COPS3: variants seen among roughly 807,000 people sequenced by gnomAD.
COPS3 encodes COP9 signalosome complex subunit 3.
Under a neutral mutation model 58.2 loss-of-function variants are expected in COPS3, and 10 were observed. That is an observed-to-expected ratio of 0.17 (90% CI 0.11 to 0.29). COPS3 has a LOEUF of 0.29. COPS3 is among the 10% of genes least tolerant of loss of function. COPS3 has a pLI of 1.00. For missense variants in COPS3, 333 were observed against 510.1 expected (o/e 0.65, Z 3.34); for synonymous variants, 187 against 181.7 (o/e 1.03, Z -0.24).
rs1435779130 is a variant in COPS3 at position 17,279,024 on chromosome 17, G to A, written c.55+2108C>T. Among the ~76,000 whole-genome samples, 3 of 151,090 alleles carry A rather than the reference G, an allele frequency of 2.0e-5. No individual in the cohort carries two copies. The South Asian group carries it at 6.2e-4, about 31-fold the overall frequency. On this transcript the variant is annotated intron_variant, in intron 1 of 11. Coordinates refer to ENST00000268717, the MANE Select transcript of COPS3 (RefSeq NM_003653.4). Reference sequence around the variant, plus strand: ...CGAGTAGCTGAGATTACAGGCGCCCGCCACCATGCCTGGCTAATTTTGCAT... The same window carrying A: ...CGAGTAGCTGAGATTACAGGCGCCCACCACCATGCCTGGCTAATTTTGCAT...
intron 8 of COPS3, among the ~76,000 whole-genome samples, chr17:17,257,712 G>A (rs1447084484): frequency 6.6e-6 from 1 of 151,006 alleles, no homozygotes; most frequent in Non-Finnish European, 1.5e-5. Context: ...CAGGAGAATG[G>A]CGTGAACCCG....
In COPS3 at chr17:17,249,045, G is replaced by T; in HGVS notation, c.1024-6C>A. 1 of 1,480,728 alleles carries T rather than the reference G, an allele frequency of 6.8e-7. No homozygotes were observed. The highest frequency in any genetic ancestry group is 9.1e-7 in the Non-Finnish European group (1 of 1,094,956). 91.7% of individuals were successfully genotyped at this position (1,480,728 alleles called of 1,614,324 possible). On this transcript the variant is annotated splice_polypyrimidine_tract_variant and splice_region_variant and intron_variant, in intron 9 of 11. Transcript: ENST00000268717. The stretch of plus-strand genomic sequence containing the variant: ...AAAATCTCACCATCTTCTATCTGCA[G>T]AAAGAAAAAAAAAAAAATCAGGAAA...
Position 17,247,002 on chromosome 17 carries a change from A to G in COPS3, c.*96T>C. The G allele has an allele frequency of 2.9e-6, 3 of 1,048,602 alleles. No homozygotes were observed. In the South Asian group the frequency reaches 3.8e-5, roughly 13 times the overall value. 65.0% of individuals were successfully genotyped at this position (1,048,602 alleles called of 1,614,324 possible). Reference sequence around the variant, plus strand: ...AACAAAACTTAATTTCTTAGTCTCCAGGTGACACAGGCTTGGTCCTCTCTG... The same window carrying G: ...AACAAAACTTAATTTCTTAGTCTCCGGGTGACACAGGCTTGGTCCTCTCTG... On this transcript the variant is annotated 3_prime_UTR_variant, in exon 12 of 12. Transcript: ENST00000268717.
intron 2 of COPS3, among the ~76,000 whole-genome samples, chr17:17,274,585 C>T (rs1484177233): frequency 1.3e-5 from 2 of 151,888 alleles, no homozygotes; most frequent in African/African-American, 2.4e-5. Context: ...CCACCACACC[C>T]GGCTAATTTT....
At position 17,281,230 on chromosome 17, in the gene COPS3, G is replaced by A. The variant is rs2048580195; in HGVS notation, c.-44C>T. ...CGAGCGGCGAAGGCAGCACGCGCGGGAAAAGGCTGCCGCTCTGGGAGGAGG... is the reference window on the plus strand; with the variant it reads ...CGAGCGGCGAAGGCAGCACGCGCGGAAAAAGGCTGCCGCTCTGGGAGGAGG... On this transcript the variant is annotated 5_prime_UTR_variant, in exon 1 of 12. Transcript: ENST00000268717. 5 of 1,588,374 alleles carry A rather than the reference G, an allele frequency of 3.1e-6. No individual in the cohort carries two copies. In the East Asian group the frequency reaches 6.8e-5, roughly 22 times the overall value.
At chr17:17,268,822 A>G (rs960483092) in intron 4 of COPS3, among the ~76,000 whole-genome samples, 4 of 115,122 alleles carry the variant, frequency 3.5e-5, no homozygotes, top group African/African-American at 1.2e-4. Context: ...CCATCTCAAA[A>G]AAACAACAAC....
At chr17:17,275,286 C>T (rs2048438414) in intron 2 of COPS3, among the ~76,000 whole-genome samples, 1 of 152,024 alleles carries the variant, frequency 6.6e-6, no homozygotes, top group Non-Finnish European at 1.5e-5. Flanking sequence ...CAGGGTTTCA[C>T]CAGTTGGCCA....
intron 9 of COPS3, among the ~76,000 whole-genome samples, chr17:17,254,416 A>G (rs993105458): frequency 6.6e-6 from 1 of 152,064 alleles, no homozygotes; most frequent in African/African-American, 2.4e-5. Flanking sequence ...CAATAGTGGT[A>G]GACTTTGGAG....
At chr17:17,277,708 C>T (rs979791535) in intron 1 of COPS3, among the ~76,000 whole-genome samples, 1 of 152,176 alleles carries the variant, frequency 6.6e-6, no homozygotes, top group South Asian at 2.1e-4. Flanking sequence ...GCATGAGCCA[C>T]CACACTCAGC....
In COPS3 at chr17:17,264,918, T is replaced by C. The variant is rs2048187469; in HGVS notation, c.505A>G (p.Ile169Val). The change falls in exon 6 of 12, where the codon ATC (isoleucine) becomes GTC (valine). Residue 169 changes from isoleucine (I) to valine (V), a missense_variant. Transcript: ENST00000268717. ...TCATAGGCTCCATTCTCTTTACAGA[T>C]ATCCATCATATCCACGTCAAGATAT... The part of the protein sequence containing the change: ...LPYLDVDMMD[I>V]CKENGAYDAK... 6.2e-7 allele frequency: 1 copy of C among 1,613,692 alleles called. No individual in the cohort carries two copies. The highest frequency in any genetic ancestry group is 1.7e-5 in the Admixed American group (1 of 59,872).
At chr17:17,264,637 G>T (rs2048181241) in intron 6 of COPS3, among the ~76,000 whole-genome samples, 165 bp downstream of exon 6, 2 of 152,192 alleles carry the variant, frequency 1.3e-5, no homozygotes, top group South Asian at 4.1e-4. Context: ...TCAACTTAGG[G>T]ATCAGGTTAC....
chr17:17,278,475 C>T (rs986384878), intron 1 of COPS3, among the ~76,000 whole-genome samples: 22 of 152,158 alleles, frequency 1.4e-4, no homozygotes, highest in African/African-American at 5.3e-4. Flanking sequence ...ATTATACATG[C>T]ATTACAAAAC....
At chr17:17,262,155 A>T in intron 6 of COPS3, 49 bp from the exon 7 acceptor site, 1 of 1,540,678 alleles carries the variant, frequency 6.5e-7, no homozygotes, top group Non-Finnish European at 8.8e-7. Flanking sequence ...CCACAGTAGC[A>T]AACAACAATC....
At chr17:17,272,583 G>A (rs1455102754) in intron 2 of COPS3, among the ~76,000 whole-genome samples, 1 of 152,166 alleles carries the variant, frequency 6.6e-6, no homozygotes, top group African/African-American at 2.4e-5. Flanking sequence ...GTTCGGAGGA[G>A]TACTGCCACA....
rs536466370 is a variant in COPS3 at position 17,257,573 on chromosome 17, G to A, written c.937-2628C>T. On this transcript the variant is annotated intron_variant, in intron 8 of 11. Coordinates refer to ENST00000268717, the MANE Select transcript of COPS3 (RefSeq NM_003653.4). ...AGCACTTTGGGAGGCTGAGGCGGGC[G>A]GATCACGAGGTCAGGAGATCGAGAC... Among the ~76,000 whole-genome samples, 12 of 151,540 alleles carry A rather than the reference G, an allele frequency of 7.9e-5. 1 individual carries two copies. Among genetic ancestry groups the A allele is most frequent in the Admixed American group, 5.9e-4 (9 of 15,210 alleles).
rs553294077 is a variant in COPS3 at position 17,267,635 on chromosome 17, C to CAAA, written c.441+247_441+249dup. On this transcript the variant is annotated intron_variant, in intron 5 of 11. Coordinates refer to ENST00000268717, the MANE Select transcript of COPS3 (RefSeq NM_003653.4). ...CATGGGCGACAAAGTGAGACTGTCT[C>CAAA]AAAAAAAAAAAAAAAAAAAGTTACA... 1.6e-4 allele frequency among the ~76,000 whole-genome samples: 17 copies of CAAA among 107,142 alleles called. No homozygotes were observed. The East Asian group carries it at 1.7e-3, about 11-fold the overall frequency. 70.3% of individuals were successfully genotyped at this position (107,142 alleles called of 152,430 possible). A position where few individuals can be genotyped will look rare whatever the true frequency, so the allele number is the denominator to read the frequency against.
At chr17:17,274,262 T>C (rs1200618893) in intron 2 of COPS3, among the ~76,000 whole-genome samples, 3 of 152,172 alleles carry the variant, frequency 2.0e-5, no homozygotes, top group Non-Finnish European at 4.4e-5. Context: ...GCAGTCGCAA[T>C]GCCTCACTGA....
intron 2 of COPS3, among the ~76,000 whole-genome samples, chr17:17,272,039 C>T (rs1321345247): frequency 6.0e-5 from 9 of 151,226 alleles, no homozygotes; most frequent in African/African-American, 1.2e-4. Context: ...CCCAGCACTA[C>T]GGAAGGCCAA....
At chr17:17,268,050 T>C in intron 4 of COPS3, 73 bp from the exon 5 acceptor site, 1 of 1,546,944 alleles carries the variant, frequency 6.5e-7, no homozygotes, top group South Asian at 1.2e-5. Context: ...TTGTCACTTA[T>C]AAATAAAAAA....
Sources: gnomAD v4.1 joint callset for allele counts (sites outside exome capture counted in the v4.1 genomes callset) on GRCh38, gnomAD v4.1.1 for gene constraint, MANE v1.5 for transcripts, NCBI Gene and HGNC (gene_info 2026-07-23, HGNC 2026-07-21) for gene names.